Variants in PCDHA6 observed in about 807,000 individuals in gnomAD.
PCDHA6 encodes the protein protocadherin alpha-6.
In PCDHA6, 55 loss-of-function variants were observed where a neutral mutation model predicts 60.3. That is an observed-to-expected ratio of 0.91 (90% CI 0.73 to 1.14). The LOEUF (loss-of-function observed/expected upper bound fraction) is 1.14, where lower values mean the gene tolerates loss of function less well. Ranked by LOEUF, PCDHA6 falls within the 50% of genes most tolerant of loss-of-function variation. PCDHA6 has a pLI of 0.00. For missense variants in PCDHA6, 1,327 were observed against 1,256.5 expected (o/e 1.06, Z -0.85); for synonymous variants, 652 against 557.9 (o/e 1.17, Z -2.38).
At position 140,853,837 on chromosome 5, in the gene PCDHA6, T is replaced by C. The variant is rs1554146872; in HGVS notation, c.2394+23352T>C. 17 of 986,750 alleles carry C rather than the reference T, an allele frequency of 1.7e-5. 2 individuals are homozygous for C. The highest frequency in any genetic ancestry group is 1.8e-5 in the Non-Finnish European group (15 of 818,856). The allele number at this position is 986,750 out of a possible 1,614,324, so 61.1% of individuals were successfully genotyped here. A position where few individuals can be genotyped will look rare whatever the true frequency, so the allele number is the denominator to read the frequency against. On this transcript the variant is annotated intron_variant, in intron 1 of 3. Transcript: ENST00000529310. ...GATGATTCTCATACAACCGAAATTT[T>C]AGATCCATAGCCCTATTTGATACTT... is the stretch of plus-strand genomic sequence containing the variant.
At chr5:140,969,260 C>G (rs782595245) in intron 1 of PCDHA6, 1 of 1,614,228 alleles carries the variant, frequency 6.2e-7, no homozygotes, top group South Asian at 1.1e-5. Context: ...CAGCAGGAAT[C>G]TCACAGGCCA....
At chr5:140,834,968 A>G in intron 1 of PCDHA6, 1 of 1,508,962 alleles carries the variant, frequency 6.6e-7, no homozygotes, top group Non-Finnish European at 9.0e-7. Flanking sequence ...TTGGACTTGT[A>G]TTACGGAAAC....
At chr5:140,910,116 A>C (rs1205054200) in intron 1 of PCDHA6, among the ~76,000 whole-genome samples, 1 of 152,222 alleles carries the variant, frequency 6.6e-6, no homozygotes, top group Non-Finnish European at 1.5e-5. Flanking sequence ...AAGGGATTCT[A>C]GGTCTGTAAA....
intron 1 of PCDHA6, chr5:140,969,253 C>G (rs200334724): frequency 7.4e-6 from 12 of 1,614,084 alleles, no homozygotes; most frequent in Non-Finnish European, 8.5e-7. Context: ...TGACTGACAG[C>G]AGGAATCTCA....
intron 1 of PCDHA6, chr5:140,967,251 C>T: frequency 6.2e-7 from 1 of 1,613,408 alleles, no homozygotes; most frequent in Non-Finnish European, 8.5e-7. Context: ...GAATCGGTGG[C>T]GCCTGGAGCG....
At position 140,870,536 on chromosome 5, in the gene PCDHA6, C is replaced by T. The variant is rs782205013; in HGVS notation, c.2394+40051C>T. On this transcript the variant is annotated intron_variant, in intron 1 of 3. Transcript: ENST00000529310. ...GGCTGCCACATCTTCACAGTGTCGGCGCGGGACGCGGACGCGCAGGAGAAC... is the reference window on the plus strand; with the variant it reads ...GGCTGCCACATCTTCACAGTGTCGGTGCGGGACGCGGACGCGCAGGAGAAC... 1.1e-5 allele frequency: 18 copies of T among 1,614,036 alleles called. No individual in the cohort carries two copies. The Admixed American group carries it at 3.0e-4, about 27-fold the overall frequency.
chr5:140,985,504 A>G (rs1368014181), intron 3 of PCDHA6, among the ~76,000 whole-genome samples: 2 of 152,170 alleles, frequency 1.3e-5, no homozygotes, highest in Non-Finnish European at 2.9e-5. Context: ...CCTGCCTTTC[A>G]TTGATTCTGT....
At chr5:140,862,662 C>A (rs1365074780) in intron 1 of PCDHA6, 3 of 546,742 alleles carry the variant, frequency 5.5e-6, no homozygotes, top group South Asian at 1.4e-5. Flanking sequence ...GGGACCGGGA[C>A]GCGCAGGAGA....
intron 1 of PCDHA6, among the ~76,000 whole-genome samples, chr5:140,833,365 G>A (rs2150207922): frequency 1.3e-5 from 2 of 152,156 alleles, no homozygotes; most frequent in African/African-American, 2.4e-5. Flanking sequence ...ACACAGTAAG[G>A]TAGATCCAAA....
intron 1 of PCDHA6, among the ~76,000 whole-genome samples, chr5:140,925,189 C>T (rs1488098385): frequency 1.3e-5 from 2 of 152,116 alleles, no homozygotes; most frequent in Non-Finnish European, 1.5e-5. Context: ...TACCATCACC[C>T]AGCTTCAATA....
rs782476572 is a variant in PCDHA6, at chr5:140,829,414, G to C, written c.1323G>C (p.Leu441Phe). ...GSPSLWATAS[L>F]SVEVADMNDN... ...CTTCGCTGTGGGCCACCGCCAGCTTGTCTGTGGAGGTGGCCGACATGAATG... is the reference window on the plus strand; with the variant it reads ...CTTCGCTGTGGGCCACCGCCAGCTTCTCTGTGGAGGTGGCCGACATGAATG... Residue 441 changes from leucine to phenylalanine, a missense_variant, in exon 1 of 4, where the codon TTG (leucine) becomes TTC (phenylalanine). Physicochemically the swap from Leu to Phe is conservative, Grantham distance 22. Transcript: ENST00000529310. 12 of 1,614,044 alleles carry C rather than the reference G, an allele frequency of 7.4e-6. No individual in the cohort carries two copies. Among genetic ancestry groups the C allele is most frequent in the African/African-American group, 6.7e-5 (5 of 74,956 alleles).
At chr5:140,874,845 A>G (rs1201887753) in intron 1 of PCDHA6, among the ~76,000 whole-genome samples, 1 of 152,236 alleles carries the variant, frequency 6.6e-6, no homozygotes, top group Non-Finnish European at 1.5e-5. Flanking sequence ...GGTATTAGAC[A>G]TATTTTAGTT....
chr5:140,944,346 C>A (rs2093644964), intron 1 of PCDHA6, among the ~76,000 whole-genome samples: 2 of 152,130 alleles, frequency 1.3e-5, no homozygotes, highest in African/African-American at 4.8e-5. Flanking sequence ...TGCCACCACA[C>A]CTGGCTAATT....
intron 1 of PCDHA6, among the ~76,000 whole-genome samples, chr5:140,933,677 T>G (rs1024721491): frequency 6.6e-6 from 1 of 151,826 alleles, no homozygotes; most frequent in African/African-American, 2.4e-5. Flanking sequence ...CTCTCTCACA[T>G]TTTTTTTCCT....
chr5:140,862,863 G>A (rs782640328), intron 1 of PCDHA6: 1 of 507,610 alleles, frequency 2.0e-6, no homozygotes, highest in South Asian at 1.4e-5. Flanking sequence ...GCAATGTGAC[G>A]CTGCCAGGTA....
chr5:140,944,871 C>T (rs1370417254), intron 1 of PCDHA6, among the ~76,000 whole-genome samples: 1 of 152,110 alleles, frequency 6.6e-6, no homozygotes, highest in Non-Finnish European at 1.5e-5. Flanking sequence ...ATCTTAACCA[C>T]CTACTCCACT....
At chr5:140,850,708 C>T (rs1554144815) in intron 1 of PCDHA6, 8 of 1,597,900 alleles carry the variant, frequency 5.0e-6, no homozygotes, top group Admixed American at 3.4e-5. Flanking sequence ...GGCAAGCCGA[C>T]GCTGGTGTGT....
intron 1 of PCDHA6, chr5:140,851,060 C>T (rs2041943229): frequency 1.5e-6 from 2 of 1,374,418 alleles, no homozygotes; most frequent in Admixed American, 2.8e-5. Flanking sequence ...GTCTTGACTT[C>T]TAGTGAGAAT....
chr5:140,971,161 C>T (rs189213416), intron 1 of PCDHA6, among the ~76,000 whole-genome samples: 1 of 152,292 alleles, frequency 6.6e-6, no homozygotes, highest in Non-Finnish European at 1.5e-5. Flanking sequence ...CCAGGCTCAG[C>T]TTTGCCACCA....
Sources: gnomAD v4.1 joint callset for allele counts (sites outside exome capture counted in the v4.1 genomes callset) on GRCh38, gnomAD v4.1.1 for gene constraint, MANE v1.5 for transcripts, NCBI Gene and HGNC (gene_info 2026-07-23, HGNC 2026-07-21) for gene names.